Variants in KIF13A observed in about 807,000 individuals in gnomAD.
The protein encoded by KIF13A is kinesin family member 13A, also known as kinesin-like protein KIF13A.
In KIF13A, 79 loss-of-function variants were observed where a neutral mutation model predicts 212.2. The ratio of observed to expected loss-of-function variants is 0.37; its 90% CI spans 0.31 to 0.45. The LOEUF (loss-of-function observed/expected upper bound fraction) is 0.45. Ranked by LOEUF, KIF13A falls within the 20% of genes least tolerant of loss-of-function variation. The pLI is 1.00. For missense variants in KIF13A, 1,901 were observed against 2,209.0 expected (o/e 0.86, Z 2.79); for synonymous variants, 789 against 808.6 (o/e 0.98, Z 0.41).
chr6:17,852,649 C>T (rs1358438627), intron 6 of KIF13A, among the ~76,000 whole-genome samples: 1 of 152,140 alleles, frequency 6.6e-6, no homozygotes, highest in East Asian at 1.9e-4. Context: ...AATTTCTAGG[C>T]TCAAGCAATC....
intron 4 of KIF13A, among the ~76,000 whole-genome samples, chr6:17,862,335 G>A (rs686073): frequency 0.82 from 124,318 of 152,184 alleles, 51,201 homozygotes; most frequent in African/African-American, 0.91. Context: ...TTACCATAGT[G>A]CGTGGCCAGT....
At chr6:17,857,178 T>C (rs911661531) in intron 4 of KIF13A, among the ~76,000 whole-genome samples, 10 of 152,214 alleles carry the variant, frequency 6.6e-5, no homozygotes, top group African/African-American at 2.4e-4. Context: ...TCTCTTATTA[T>C]ACTATGATAT....
At position 17,808,386 on chromosome 6, in the gene KIF13A, A is replaced by AAAACAAACAAACAAAC. The variant is rs3076207; in HGVS notation, c.2163+366_2163+381dup. Among the ~76,000 whole-genome samples the AAAACAAACAAACAAAC allele has an allele frequency of 6.7e-3, 1,015 of 150,928 alleles. 19 individuals are homozygous for AAAACAAACAAACAAAC. Among genetic ancestry groups the AAAACAAACAAACAAAC allele is most frequent in the African/African-American group, 0.024 (981 of 41,102 alleles). ...GGGTGACAGAGCAAGACTCAGTCTA[A>AAAACAAACAAACAAAC]AAACAAACAAACAAACAAACAAACA... On this transcript the variant is annotated intron_variant, in intron 18 of 38. Coordinates refer to ENST00000259711, the MANE Select transcript of KIF13A (RefSeq NM_022113.6).
chr6:17,953,130 A>G (rs1378676691), intron 2 of KIF13A, among the ~76,000 whole-genome samples: 1 of 151,618 alleles, frequency 6.6e-6, no homozygotes, highest in Non-Finnish European at 1.5e-5. Flanking sequence ...TCATTCATCC[A>G]TATAATATAA....
At chr6:17,910,141 T>C (rs191555955) in intron 2 of KIF13A, among the ~76,000 whole-genome samples, 39 of 152,284 alleles carry the variant, frequency 2.6e-4, no homozygotes, top group African/African-American at 6.7e-4. Context: ...AAAATGGACA[T>C]AGGAATAACA....
intron 3 of KIF13A, chr6:17,881,752 T>C (rs1771087578): frequency 6.0e-6 from 2 of 331,972 alleles, no homozygotes; most frequent in Non-Finnish European, 1.2e-5. Flanking sequence ...CCCTAGCACT[T>C]TGGGAGGTGG....
rs144523677 is a variant in KIF13A at position 17,832,815 on chromosome 6, C to G, written c.1266+1146G>C. Among the ~76,000 whole-genome samples, 676 of 151,692 alleles carry G rather than the reference C, an allele frequency of 4.5e-3. 5 individuals are homozygous for G. The highest frequency in any genetic ancestry group is 0.013 in the African/African-American group (547 of 41,364). ...TTGCCTGAGCTCAGGAGTTTGAGAT[C>G]AGCTGGGGCAACACGGTGAAACCCC... On this transcript the variant is annotated intron_variant, in intron 12 of 38. Transcript: ENST00000259711.
rs762515961 is a variant in KIF13A at position 17,851,994 on chromosome 6, A to G, written c.543T>C (p.Tyr181=). Residue 181 remains tyrosine, a synonymous_variant, in exon 7 of 39, where the codon TAT becomes TAC. Coordinates refer to ENST00000259711, the MANE Select transcript of KIF13A (RefSeq NM_022113.6). ...CAGCTAGTTGAGATAAACCATCTAC[A>G]TATGGTCCCAAAACTTTATGTTCTC... ...KVREHKVLGP[Y]VDGLSQLAVT... is the part of the protein sequence containing the mutation. 6.4e-7 allele frequency: 1 copy of G among 1,558,478 alleles called. No homozygotes were observed. Among genetic ancestry groups the G allele is most frequent in the East Asian group, 2.3e-5 (1 of 42,682 alleles).
At chr6:17,861,507 T>C (rs1370584952) in intron 4 of KIF13A, among the ~76,000 whole-genome samples, 1 of 152,232 alleles carries the variant, frequency 6.6e-6, no homozygotes, top group Non-Finnish European at 1.5e-5. Flanking sequence ...CAGTTTCCTA[T>C]TGACTTTACT....
Position 17,794,096 on chromosome 6 carries a change from T to G in KIF13A, c.3222+153A>C, listed in dbSNP as rs1226605983. 6.6e-6 allele frequency among the ~76,000 whole-genome samples: 1 copy of G among 152,182 alleles called. No homozygotes were observed. The highest frequency in any genetic ancestry group is 1.5e-5 in the Non-Finnish European group (1 of 68,034). ...ATTAACTGACACTAAGCAAACAGAT[T>G]TTAAAGCTAGAAAAAAGGCAATGGA... On this transcript the variant is annotated intron_variant, in intron 25 of 38. Coordinates refer to ENST00000259711, the MANE Select transcript of KIF13A (RefSeq NM_022113.6). This position sits in a 1 kb window ranked among gnomAD's most constrained non-coding sequence, Gnocchi z 4.1.
intron 2 of KIF13A, among the ~76,000 whole-genome samples, chr6:17,941,583 C>T (rs1442322048): frequency 6.6e-6 from 1 of 152,030 alleles, no homozygotes; most frequent in East Asian, 1.9e-4. Context: ...AGAAGGAAGA[C>T]AATGAGAAGA....
chr6:17,830,999 G>A, intron 13 of KIF13A, 102 bp downstream of exon 13: 1 of 1,087,546 alleles, frequency 9.2e-7, no homozygotes, highest in Non-Finnish European at 1.3e-6. Context: ...TGAGGGCTAA[G>A]CTGGATACAA....
In KIF13A at chr6:17,926,204, G is replaced by T. The variant is rs550206579; in HGVS notation, c.147-28024C>A. The stretch of plus-strand genomic sequence containing the variant: ...ACATTCAGTTCTTGTAAACTTCCAC[G>T]AATTCCTAAATTTATCTGTCTCCTG... On this transcript the variant is annotated intron_variant, in intron 2 of 38. Coordinates refer to ENST00000259711, the MANE Select transcript of KIF13A (RefSeq NM_022113.6). This position sits in a 1 kb window ranked among gnomAD's most constrained non-coding sequence, Gnocchi z 4.3. Among the ~76,000 whole-genome samples the T allele has an allele frequency of 6.6e-6, 1 of 152,002 alleles. No individual in the cohort carries two copies. Among genetic ancestry groups the T allele is most frequent in the Admixed American group, 6.6e-5 (1 of 15,250 alleles).
chr6:17,851,804 C>G (rs1400812219), intron 7 of KIF13A, 151 bp downstream of exon 7: 1 of 420,012 alleles, frequency 2.4e-6, no homozygotes, highest in East Asian at 3.6e-5. Flanking sequence ...AAGCCCTTTT[C>G]CTCTCTGTTT....
chr6:17,977,150 C>G (rs368277097), intron 2 of KIF13A, among the ~76,000 whole-genome samples: 15 of 151,476 alleles, frequency 9.9e-5, no homozygotes, highest in African/African-American at 3.4e-4. Context: ...ATGCACATTC[C>G]CAGGCTCCAC....
chr6:17,820,623 A>G (rs1417616964), intron 16 of KIF13A, among the ~76,000 whole-genome samples: 1 of 152,178 alleles, frequency 6.6e-6, no homozygotes, highest in Admixed American at 6.5e-5. Context: ...TATTTTTCCT[A>G]TCATTTTCCT....
intron 2 of KIF13A, among the ~76,000 whole-genome samples, chr6:17,940,231 C>G (rs1033780222): frequency 6.6e-6 from 1 of 151,920 alleles, no homozygotes. Flanking sequence ...TTTGAAGGTA[C>G]ATCAGCACAA....
chr6:17,796,543 CT>C (rs112059351), intron 23 of KIF13A, 125 bp downstream of exon 23: 73,703 of 466,810 alleles, frequency 0.16, 468 homozygotes, highest in East Asian at 0.21. Context: ...CCTGGCCATT[CT>C]TTTTTTTTTT....
intron 2 of KIF13A, among the ~76,000 whole-genome samples, chr6:17,922,753 C>G (rs1561766072): frequency 6.6e-6 from 1 of 151,508 alleles, no homozygotes; most frequent in Admixed American, 6.6e-5. Flanking sequence ...ATATTCATTT[C>G]TATTATTATT....
Sources: allele counts gnomAD v4.1 joint callset (sites outside exome capture counted in the v4.1 genomes callset), GRCh38; gene constraint gnomAD v4.1.1; non-coding constraint Gnocchi (gnomAD v3.1); transcripts MANE v1.5; gene names NCBI Gene and HGNC (gene_info 2026-07-23, HGNC 2026-07-21).